TNS3: variants seen among roughly 807,000 people sequenced by gnomAD.
The protein encoded by TNS3 is tensin-3.
A neutral mutation model predicts 140.9 loss-of-function variants in TNS3; 45 were observed. That is an observed-to-expected ratio of 0.32 (90% CI 0.25 to 0.41). The LOEUF is 0.41. TNS3 is among the 10% of genes least tolerant of loss of function. The pLI is 1.00. For synonymous variants in TNS3, 815 were observed against 788.4 expected (o/e 1.03, Z -0.56); for missense variants, 1,716 against 1,906.7 (o/e 0.90, Z 1.86).
rs576129334 is a variant in TNS3, at chr7:47,482,685, G to A, written c.-114-1544C>T. 4.3e-4 allele frequency among the ~76,000 whole-genome samples: 65 copies of A among 152,214 alleles called. 1 individual carries two copies. The highest frequency in any genetic ancestry group is 1.5e-3 in the African/African-American group (61 of 41,528). Reference sequence around the variant, plus strand: ...AGGCAAGAAATGTGCGAAGAATCAGGGCCCCTGCCTTTCAAACTCACTATC... The same window carrying A: ...AGGCAAGAAATGTGCGAAGAATCAGAGCCCCTGCCTTTCAAACTCACTATC... On this transcript the variant is annotated intron_variant, in intron 3 of 30. Coordinates refer to ENST00000311160, the MANE Select transcript of TNS3 (RefSeq NM_022748.12).
At chr7:47,475,463 G>A (rs1257210750) in intron 4 of TNS3, among the ~76,000 whole-genome samples, 3 of 152,344 alleles carry the variant, frequency 2.0e-5, no homozygotes, top group South Asian at 2.1e-4. Flanking sequence ...ACCAGAGGCC[G>A]CCACCAGAAG....
intron 1 of TNS3, among the ~76,000 whole-genome samples, chr7:47,540,552 T>C (rs1799755358): frequency 6.6e-6 from 1 of 152,158 alleles, no homozygotes; most frequent in Non-Finnish European, 1.5e-5. Flanking sequence ...CACAGATACG[T>C]GAGCAACGTG....
At chr7:47,499,387 A>G (rs1358982472) in intron 3 of TNS3, among the ~76,000 whole-genome samples, 3 of 152,220 alleles carry the variant, frequency 2.0e-5, no homozygotes, top group African/African-American at 7.2e-5. Context: ...CCTCAAAAAG[A>G]GCAGAATTTA....
chr7:47,421,628 A>C (rs1383997094), intron 10 of TNS3, among the ~76,000 whole-genome samples: 1 of 152,170 alleles, frequency 6.6e-6, no homozygotes, highest in Non-Finnish European at 1.5e-5. Context: ...TTAGGGAAGG[A>C]AGTTCAGGGG....
intron 2 of TNS3, among the ~76,000 whole-genome samples, chr7:47,524,756 C>T (rs576175828): frequency 2.4e-4 from 33 of 136,382 alleles, no homozygotes; most frequent in Middle Eastern, 4.0e-3. Flanking sequence ...GAGCCGAGAT[C>T]GCGCCACTGC....
chr7:47,560,436 C>G (rs1343627216), intron 1 of TNS3, among the ~76,000 whole-genome samples: 1 of 152,136 alleles, frequency 6.6e-6, no homozygotes, highest in Non-Finnish European at 1.5e-5. Flanking sequence ...GCAGCACAAA[C>G]CAATTAAGAT....
At chr7:47,477,481 G>C (rs2151769506) in intron 4 of TNS3, among the ~76,000 whole-genome samples, 1 of 152,274 alleles carries the variant, frequency 6.6e-6, no homozygotes, top group African/African-American at 2.4e-5. Flanking sequence ...GGCCTGCAGG[G>C]GCACTGACAC....
At chr7:47,286,432 A>C (rs1246113502) in intron 27 of TNS3, among the ~76,000 whole-genome samples, 3 of 152,224 alleles carry the variant, frequency 2.0e-5, no homozygotes, top group Non-Finnish European at 4.4e-5. Flanking sequence ...TCTCCAGCAG[A>C]GAACAGGCAT....
At chr7:47,581,081 C>G (rs997895489) in intron 1 of TNS3, among the ~76,000 whole-genome samples, 1 of 152,052 alleles carries the variant, frequency 6.6e-6, no homozygotes, top group Non-Finnish European at 1.5e-5. Flanking sequence ...CGCTGGAGTT[C>G]GGGTCATCTG....
At chr7:47,369,701 C>T in intron 16 of TNS3, 80 bp from the exon 17 acceptor site, 1 of 1,428,698 alleles carries the variant, frequency 7.0e-7, no homozygotes, top group Non-Finnish European at 9.3e-7. Context: ...GCGTGTGCAT[C>T]TGTCTAAACA....
chr7:47,487,660 C>T (rs906518254), intron 3 of TNS3, among the ~76,000 whole-genome samples: 15 of 152,260 alleles, frequency 9.9e-5, no homozygotes, highest in Middle Eastern at 3.4e-3. Flanking sequence ...AGCCACTGAC[C>T]TTGCCAAACC....
At chr7:47,557,085 G>C (rs962068868) in intron 1 of TNS3, 1 of 456,692 alleles carries the variant, frequency 2.2e-6, no homozygotes, top group African/African-American at 2.0e-5. Flanking sequence ...ACCAGTTGGT[G>C]ATGCATCCGA....
At chr7:47,558,001 G>A (rs1438206970) in intron 1 of TNS3, among the ~76,000 whole-genome samples, 4 of 152,194 alleles carry the variant, frequency 2.6e-5, no homozygotes, top group Non-Finnish European at 5.9e-5. Context: ...CGTCCCTCTG[G>A]CAAATGACAA....
chr7:47,487,127 C>G (rs750932893), intron 3 of TNS3, among the ~76,000 whole-genome samples: 21 of 152,064 alleles, frequency 1.4e-4, no homozygotes, highest in Non-Finnish European at 1.8e-4. Flanking sequence ...GGCAAAACCC[C>G]GTCTCTACTA....
chr7:47,528,064 C>T (rs1799263186), intron 2 of TNS3, among the ~76,000 whole-genome samples: 1 of 152,114 alleles, frequency 6.6e-6, no homozygotes, highest in African/African-American at 2.4e-5. Context: ...GTGGCCGGTA[C>T]CCACCACTCA....
rs185380355 is a variant in TNS3, at chr7:47,341,856, C to T, written c.2650+2899G>A. Among the ~76,000 whole-genome samples the T allele has an allele frequency of 6.5e-4, 99 of 152,034 alleles. No homozygotes were observed. The East Asian group carries it at 0.016, about 25-fold the overall frequency. On this transcript the variant is annotated intron_variant, in intron 20 of 30. Transcript: ENST00000311160. The stretch of plus-strand genomic sequence containing the variant: ...TCTTGCCCAAAATTTCCTCTCAGTG[C>T]GGCTGTATTAAAGCAGTGGATAAAG...
At chr7:47,525,836 C>A (rs1200545637) in intron 2 of TNS3, among the ~76,000 whole-genome samples, 3 of 152,222 alleles carry the variant, frequency 2.0e-5, no homozygotes, top group Non-Finnish European at 4.4e-5. Flanking sequence ...CTCTGGCAGG[C>A]CTCCTCACCC....
chr7:47,336,274 C>T (rs938308439), intron 20 of TNS3, among the ~76,000 whole-genome samples: 2 of 151,438 alleles, frequency 1.3e-5, no homozygotes, highest in East Asian at 1.9e-4. Context: ...TGATTCATAA[C>T]GTTTGCTAAA....
At chr7:47,305,293 G>C (rs949045465) in intron 20 of TNS3, among the ~76,000 whole-genome samples, 2 of 152,238 alleles carry the variant, frequency 1.3e-5, no homozygotes, top group African/African-American at 4.8e-5. Flanking sequence ...CATGTGAGGA[G>C]ATGCACATTG....
Sources: gnomAD v4.1 joint callset for allele counts (sites outside exome capture counted in the v4.1 genomes callset) on GRCh38, gnomAD v4.1.1 for gene constraint, MANE v1.5 for transcripts, NCBI Gene and HGNC (gene_info 2026-07-23, HGNC 2026-07-21) for gene names.